CNIH3: variants seen among roughly 807,000 people sequenced by gnomAD.
CNIH3 encodes the protein cornichon family AMPA receptor auxiliary protein 3.
In CNIH3, 14 loss-of-function variants were observed where a neutral mutation model predicts 24.1. The observed-to-expected ratio is 0.58, with a 90% CI of 0.38 to 0.91. The LOEUF (loss-of-function observed/expected upper bound fraction) is 0.91. Ranked by LOEUF, CNIH3 falls within the 40% of genes least tolerant of loss-of-function variation. The pLI, the probability that CNIH3 is intolerant of heterozygous loss-of-function variation, is 0.00. For synonymous variants in CNIH3, 68 were observed against 73.8 expected, an observed-to-expected ratio of 0.92 and a Z score of 0.40; for missense variants, 178 against 196.8, an observed-to-expected ratio of 0.90 and a Z score of 0.57.
In CNIH3 at chr1:224,704,468, T is replaced by C. The variant is rs1223723267; in HGVS notation, c.198+19625T>C. Reference sequence around the variant, plus strand: ...CCCTGAGTCTCATTTAACATTTTATTTTGAAAAATGTCAAATATAAGGGGA... The same window carrying C: ...CCCTGAGTCTCATTTAACATTTTATCTTGAAAAATGTCAAATATAAGGGGA... On this transcript the variant is annotated intron_variant, in intron 3 of 5. Coordinates refer to ENST00000272133, the MANE Select transcript of CNIH3 (RefSeq NM_152495.2). This position sits in a 1 kb window ranked among gnomAD's most constrained non-coding sequence, Gnocchi z 4.2. 6.6e-6 allele frequency among the ~76,000 whole-genome samples: 1 copy of C among 152,174 alleles called. No individual in the cohort carries two copies. Among genetic ancestry groups the C allele is most frequent in the Non-Finnish European group, 1.5e-5 (1 of 68,020 alleles).
chr1:224,705,616 G>T, intron 3 of CNIH3, among the ~76,000 whole-genome samples: 1 of 152,160 alleles, frequency 6.6e-6, no homozygotes, highest in East Asian at 1.9e-4. Context: ...AATTGCTTGA[G>T]CAACCTCACA....
Position 224,616,978 on chromosome 1 carries a change from G to T in CNIH3, c.-197G>T, listed in dbSNP as rs554156962. On this transcript the variant is annotated 5_prime_UTR_variant, in exon 1 of 6. Coordinates refer to ENST00000272133, the MANE Select transcript of CNIH3 (RefSeq NM_152495.2). ...CTGTCTTCGCCGGAGGGCCGGGTCTGGGGTCGCCGGAGCCTGCGGGAATCC... is the reference window on the plus strand; with the variant it reads ...CTGTCTTCGCCGGAGGGCCGGGTCTTGGGTCGCCGGAGCCTGCGGGAATCC... 3 of 1,413,820 alleles carry T rather than the reference G, an allele frequency of 2.1e-6. No individual in the cohort carries two copies. In the East Asian group the frequency reaches 7.6e-5, roughly 36 times the overall value. The allele number at this position is 1,413,820 out of a possible 1,614,324, so 87.6% of individuals were successfully genotyped here. A position where few individuals can be genotyped will look rare whatever the true frequency, so the allele number is the denominator to read the frequency against.
At chr1:224,651,115 A>G (rs929855234) in intron 1 of CNIH3, among the ~76,000 whole-genome samples, 4 of 152,188 alleles carry the variant, frequency 2.6e-5, no homozygotes, top group Admixed American at 2.6e-4. Context: ...GTGAACATCG[A>G]GCCCAGTGCA....
chr1:224,628,816 A>G (rs1431888348), intron 1 of CNIH3, among the ~76,000 whole-genome samples: 5 of 151,940 alleles, frequency 3.3e-5, no homozygotes, highest in African/African-American at 1.2e-4. Flanking sequence ...GGAAACACCA[A>G]CTAGCATTTA....
At chr1:224,472,555 A>G (rs1490465574) in intron 1 of CNIH3, among the ~76,000 whole-genome samples, 1 of 152,210 alleles carries the variant, frequency 6.6e-6, no homozygotes, top group Non-Finnish European at 1.5e-5. Context: ...CAAACATTAT[A>G]TATTCTTACT....
intron 1 of CNIH3, among the ~76,000 whole-genome samples, chr1:224,461,187 G>A (rs1345759617): frequency 6.6e-6 from 1 of 151,824 alleles, no homozygotes; most frequent in East Asian, 1.9e-4. Flanking sequence ...ATTTTTAGTA[G>A]AGACGGGGTT....
rs1291722129 is a variant in CNIH3, at chr1:224,572,627, AG to A, written n.516+6366del. Among the ~76,000 whole-genome samples, 6 of 150,466 alleles carry A rather than the reference AG, an allele frequency of 4.0e-5. No individual in the cohort carries two copies. The South Asian group carries it at 1.3e-3, about 32-fold the overall frequency. Reference sequence around the variant, plus strand: ...TTGATCCCTTGATGAATTTTAGGATAGGGTTTTTTTTTTTTTTAATATTTCT... The same window carrying A: ...TTGATCCCTTGATGAATTTTAGGATAGGTTTTTTTTTTTTTTAATATTTCT... On this transcript the variant is annotated intron_variant and non_coding_transcript_variant, in intron 4 of 5. Transcript: ENST00000471578.
intron 1 of CNIH3, among the ~76,000 whole-genome samples, chr1:224,658,743 A>T (rs1685212403): frequency 6.6e-6 from 1 of 151,648 alleles, no homozygotes; most frequent in African/African-American, 2.4e-5. Flanking sequence ...CCTGCAGCTA[A>T]CTCAAAAGGT....
At chr1:224,609,788 C>T (rs79398329) in intron 3 of CNIH3, among the ~76,000 whole-genome samples, 4 of 152,122 alleles carry the variant, frequency 2.6e-5, no homozygotes, top group Admixed American at 6.5e-5. Context: ...TTCCCCTTTA[C>T]GCTTTGACCA....
chr1:224,559,803 T>A (rs1418543751), intron 3 of CNIH3, among the ~76,000 whole-genome samples: 1 of 152,234 alleles, frequency 6.6e-6, no homozygotes, highest in Admixed American at 6.5e-5. Flanking sequence ...AATAGTCTAC[T>A]GCTAGCATTC....
At chr1:224,614,773 C>G (rs1682865387), upstream of CNIH3, among the ~76,000 whole-genome samples, 1 of 151,626 alleles carries the variant, frequency 6.6e-6, no homozygotes, top group Admixed American at 6.6e-5. Flanking sequence ...ATGGTGAAAC[C>G]CCGTCTTTAC....
At chr1:224,570,629 TTG>T (rs1226557708) in intron 4 of CNIH3, among the ~76,000 whole-genome samples, 1 of 152,240 alleles carries the variant, frequency 6.6e-6, no homozygotes, top group Non-Finnish European at 1.5e-5. Context: ...CCATTTTTAA[TTG>T]TTTTTTAAAT....
In CNIH3 at chr1:224,621,420, GA is replaced by G. The variant is rs144093500; in HGVS notation, c.81+4166del. Among the ~76,000 whole-genome samples the G allele has an allele frequency of 9.9e-3, 1,515 of 152,308 alleles. 12 individuals are homozygous for G. The highest frequency in any genetic ancestry group is 0.02 in the Middle Eastern group (6 of 294). On this transcript the variant is annotated intron_variant, in intron 1 of 5. Coordinates refer to ENST00000272133, the MANE Select transcript of CNIH3 (RefSeq NM_152495.2). The stretch of plus-strand genomic sequence containing the variant: ...GTGAAATGGTAGGATGCTTGGGGTT[GA>G]CAATAAATAGCCTGTTTTTTTATGA...
intron 3 of CNIH3, among the ~76,000 whole-genome samples, chr1:224,599,896 C>G (rs1682137136): frequency 6.6e-6 from 1 of 152,136 alleles, no homozygotes; most frequent in African/African-American, 2.4e-5. Context: ...TATAAAATTT[C>G]TAAACTCTCT....
chr1:224,653,589 T>C (rs947104519), intron 1 of CNIH3, among the ~76,000 whole-genome samples: 1 of 152,252 alleles, frequency 6.6e-6, no homozygotes, highest in Non-Finnish European at 1.5e-5. Flanking sequence ...TACATACTTC[T>C]CCTGTGAAGA....
At chr1:224,718,143 G>T (rs1688524465) in intron 3 of CNIH3, among the ~76,000 whole-genome samples, 1 of 152,062 alleles carries the variant, frequency 6.6e-6, no homozygotes, top group Admixed American at 6.6e-5. Flanking sequence ...CGCACAATAG[G>T]TACATTTTCA....
At chr1:224,698,369 G>A (rs551699497) in intron 3 of CNIH3, among the ~76,000 whole-genome samples, 8 of 152,210 alleles carry the variant, frequency 5.3e-5, no homozygotes, top group Non-Finnish European at 1.2e-4. Context: ...GGAACACGCA[G>A]CAAGAACAGC....
At chr1:224,434,744 T>C in exon 1 of CNIH3, 1 of 986,890 alleles carries the variant, frequency 1.0e-6, no homozygotes, top group Non-Finnish European at 1.2e-6. Flanking sequence ...TGTCCTCGGA[T>C]CCGCTCCGCT....
Position 224,575,821 on chromosome 1 carries a change from G to A in CNIH3, n.517-7343G>A, listed in dbSNP as rs114988839. On this transcript the variant is annotated intron_variant and non_coding_transcript_variant, in intron 4 of 5. Coordinates refer to the CNIH3 transcript ENST00000471578. ...TATGTAGCAAAGTAGAATAGCCTTT[G>A]TACTAATTTCAAATCATGTCTCTAT... 4.0e-3 allele frequency among the ~76,000 whole-genome samples: 608 copies of A among 151,952 alleles called. 4 individuals are homozygous for A. Among genetic ancestry groups the A allele is most frequent in the African/African-American group, 0.014 (579 of 41,468 alleles).
Sources: allele counts gnomAD v4.1 joint callset (sites outside exome capture counted in the v4.1 genomes callset), GRCh38; gene constraint gnomAD v4.1.1; non-coding constraint Gnocchi (gnomAD v3.1); transcripts MANE v1.5; gene names NCBI Gene and HGNC (gene_info 2026-07-23, HGNC 2026-07-21).